The following PHLPP2 variants were observed in gnomAD, a reference collection of about 807,000 sequenced individuals.
PHLPP2 encodes PH domain leucine-rich repeat-containing protein phosphatase 2.
A neutral mutation model predicts 124.9 loss-of-function variants in PHLPP2; 66 were observed. The observed-to-expected ratio is 0.53, with a 90% CI of 0.43 to 0.65. PHLPP2 has a LOEUF of 0.65. Among genes scored for constraint, PHLPP2 ranks in the 30% least tolerant of loss-of-function variants. PHLPP2 has a pLI of 0.00. For missense variants in PHLPP2, 1,685 were observed against 1,600.4 expected (o/e 1.05, Z -0.90); for synonymous variants, 681 against 624.7 (o/e 1.09, Z -1.34).
chr16:71,712,138 A>G (rs1191948926), intron 2 of PHLPP2, among the ~76,000 whole-genome samples: 2 of 152,268 alleles, frequency 1.3e-5, no homozygotes, highest in African/African-American at 4.8e-5. Context: ...GAAAATGTGC[A>G]TAAAGCACTA....
At chr16:71,692,015 G>C (rs556518612) in intron 3 of PHLPP2, among the ~76,000 whole-genome samples, 174 of 151,574 alleles carry the variant, frequency 1.1e-3, no homozygotes, top group African/African-American at 4.0e-3. Flanking sequence ...AGTATGAGGT[G>C]GTCCAAACAG....
chr16:71,690,621 C>A lies in PHLPP2; in HGVS notation c.507G>T (p.Trp169Cys), dbSNP rs2145353625. The A allele has an allele frequency of 6.2e-7, 1 of 1,612,744 alleles. No homozygotes were observed. The highest frequency in any genetic ancestry group is 8.5e-7 in the Non-Finnish European group (1 of 1,178,732). Residue 169 changes from tryptophan to cysteine, a missense_variant, in exon 4 of 19, where the codon TGG becomes TGT. By Grantham distance (215) the Trp-to-Cys change is radical. Coordinates refer to ENST00000568954, the MANE Select transcript of PHLPP2 (RefSeq NM_015020.3). ...VRKGKTQLHK[W>C]AERLVVLCGT... ...CACAGAGGACAACTAGGCGCTCAGC[C>A]CACTTATGCAGCTGGGTCTTTCCCT...
chr16:71,714,929 G>T, intron 1 of PHLPP2, 128 bp from the exon 2 acceptor site: 1 of 1,170,318 alleles, frequency 8.5e-7, no homozygotes, highest in Non-Finnish European at 1.2e-6. Flanking sequence ...CTCCTTTTGT[G>T]GAGCACTTCA....
At chr16:71,650,495 G>A (rs1392527748) in intron 18 of PHLPP2, among the ~76,000 whole-genome samples, 1 of 152,236 alleles carries the variant, frequency 6.6e-6, no homozygotes, top group African/African-American at 2.4e-5. Flanking sequence ...AATCTTGGCA[G>A]TTAAGGCATC....
Position 71,676,529 on chromosome 16 carries a change from T to G in PHLPP2, c.1389A>C (p.Glu463Asp). 1 of 1,613,828 alleles carries G rather than the reference T, an allele frequency of 6.2e-7. No individual in the cohort carries two copies. The highest frequency in any genetic ancestry group is 8.5e-7 in the Non-Finnish European group (1 of 1,179,666). Residue 463 changes from glutamate to aspartate, a missense_variant, in exon 9 of 19, where the codon GAA becomes GAC. By Grantham distance (45) the Glu-to-Asp change is conservative. Coordinates refer to ENST00000568954, the MANE Select transcript of PHLPP2 (RefSeq NM_015020.3). The stretch of plus-strand genomic sequence containing the variant: ...GCTGATTCCGCCCACAGTGCAGCTG[T>G]TCCAAGCTGCATAAGGAGCTAAGAT... ...DLDLSSLCSL[E>D]QLHCGRNQLR...
In PHLPP2 at chr16:71,679,372, T is replaced by C. The variant is rs772806958; in HGVS notation, c.1037+17A>G. The stretch of plus-strand genomic sequence containing the variant: ...TATTCTGCAAGGGAAAAGAGGAATC[T>C]AGTAAAAGTTACTTACTTTAGCAGA... On this transcript the variant is annotated intron_variant, in intron 7 of 18. Coordinates refer to ENST00000568954, the MANE Select transcript of PHLPP2 (RefSeq NM_015020.3). 16 of 1,609,828 alleles carry C rather than the reference T, an allele frequency of 9.9e-6. No homozygotes were observed. The highest frequency in any genetic ancestry group is 1.1e-5 in the Non-Finnish European group (13 of 1,176,218).
chr16:71,702,801 A>ATTTTTT, intron 2 of PHLPP2, 70 bp from the exon 3 acceptor site: 1 of 1,023,790 alleles, frequency 9.8e-7, no homozygotes, highest in Non-Finnish European at 1.4e-6. Context: ...ATTTTTTAGT[A>ATTTTTT]TTTTTATTTG....
chr16:71,650,722 C>G (rs1318615610), intron 18 of PHLPP2, among the ~76,000 whole-genome samples: 4 of 152,160 alleles, frequency 2.6e-5, no homozygotes, highest in Admixed American at 2.6e-4. Flanking sequence ...GAAAAAAATA[C>G]AAAACAAAAC....
chr16:71,723,648 C>G, intron 1 of PHLPP2: 1 of 409,386 alleles, frequency 2.4e-6, no homozygotes, highest in Non-Finnish European at 3.9e-6. Context: ...CGGGGGCCGC[C>G]GACTGCCTCA....
At chr16:71,712,039 AGGTT>A (rs1400620621) in intron 2 of PHLPP2, among the ~76,000 whole-genome samples, 1 of 152,258 alleles carries the variant, frequency 6.6e-6, no homozygotes, top group East Asian at 1.9e-4. Context: ...GTCCTTGAGC[AGGTT>A]ACTGAATCTC....
intron 5 of PHLPP2, among the ~76,000 whole-genome samples, chr16:71,683,927 G>T (rs2045027533): frequency 6.8e-6 from 1 of 147,862 alleles, no homozygotes; most frequent in African/African-American, 2.5e-5. Flanking sequence ...CAAGTAGCTG[G>T]GATTACAGGC....
intron 2 of PHLPP2, among the ~76,000 whole-genome samples, chr16:71,713,845 G>A (rs992294805): frequency 9.2e-5 from 14 of 151,466 alleles, no homozygotes; most frequent in African/African-American, 3.4e-4. Context: ...AACAGGCCTG[G>A]GTAGTTGGGG....
Position 71,679,532 on chromosome 16 carries a change from A to G in PHLPP2, c.894T>C (p.Phe298=). The G allele has an allele frequency of 6.2e-7, 1 of 1,613,924 alleles. No individual in the cohort carries two copies. The highest frequency in any genetic ancestry group is 8.5e-7 in the Non-Finnish European group (1 of 1,179,898). ...RPGGLDTLYK[F]SQLKGLNLSH... ...ACAAGTTCAGGCCCTTCAGTTGAGA[A>G]AATCTAAAGAGCAAAGGCAAAAATG... The change falls in exon 7 of 19, where the codon TTT becomes TTC. Residue 298 remains phenylalanine, a synonymous_variant. Coordinates refer to ENST00000568954, the MANE Select transcript of PHLPP2 (RefSeq NM_015020.3).
Position 71,690,698 on chromosome 16 carries a change from G to C in PHLPP2, c.430C>G (p.His144Asp). Residue 144 changes from histidine to aspartate, a missense_variant, in exon 4 of 19, where the codon CAC (histidine) becomes GAC (aspartate). Transcript: ENST00000568954. ...MIRFYGEKPC[H>D]MDRLDRILLS... is the part of the protein sequence containing the mutation. Reference sequence around the variant, plus strand: ...AGGATTCGATCCAAACGATCCATGTGGCATGGTTTTTCTGAAAAGGAAATA... The same window carrying C: ...AGGATTCGATCCAAACGATCCATGTCGCATGGTTTTTCTGAAAAGGAAATA... 1 of 1,608,512 alleles carries C rather than the reference G, an allele frequency of 6.2e-7. No individual in the cohort carries two copies. The highest frequency in any genetic ancestry group is 8.5e-7 in the Non-Finnish European group (1 of 1,177,178).
intron 9 of PHLPP2, among the ~76,000 whole-genome samples, chr16:71,675,474 C>G (rs369864106): frequency 2.0e-5 from 3 of 152,136 alleles, no homozygotes; most frequent in Admixed American, 6.5e-5. Flanking sequence ...AGCACTGAGG[C>G]TACACAAGCT....
intron 1 of PHLPP2, among the ~76,000 whole-genome samples, chr16:71,719,646 G>A (rs536962385): frequency 2.0e-5 from 3 of 150,126 alleles, no homozygotes; most frequent in African/African-American, 4.9e-5. Flanking sequence ...GACACACACC[G>A]ACATTAGTTG....
intron 4 of PHLPP2, among the ~76,000 whole-genome samples, chr16:71,684,882 A>G (rs1220625293): frequency 1.3e-5 from 2 of 152,068 alleles, no homozygotes; most frequent in African/African-American, 2.4e-5. Context: ...GCAGGATACC[A>G]GTCCACTATG....
At chr16:71,656,449 G>GTTCTATGA (rs2044742499) in intron 16 of PHLPP2, 122 bp downstream of exon 16, 1 of 620,240 alleles carries the variant, frequency 1.6e-6, no homozygotes, top group Admixed American at 2.7e-5. Flanking sequence ...TGACGCTGAT[G>GTTCTATGA]TTCTATGATT....
Position 71,664,001 on chromosome 16 carries a change from G to C in PHLPP2, c.1883C>G (p.Thr628Ser). The C allele has an allele frequency of 1.2e-6, 2 of 1,613,784 alleles. No individual in the cohort carries two copies. The highest frequency in any genetic ancestry group is 1.7e-6 in the Non-Finnish European group (2 of 1,179,672). The change falls in exon 13 of 19, where the codon ACC becomes AGC. Residue 628 changes from threonine to serine, a missense_variant. Thr to Ser is a moderately conservative substitution (Grantham distance 58). Coordinates refer to ENST00000568954, the MANE Select transcript of PHLPP2 (RefSeq NM_015020.3). ...GCACTGATCCGTCAGGAGATTGTTGGTCAGATAAAGCAGCTGCAGCATACT... is the reference window on the plus strand; with the variant it reads ...GCACTGATCCGTCAGGAGATTGTTGCTCAGATAAAGCAGCTGCAGCATACT... ...SLSMLQLLYLTNNLLTDQCIP... is the reference protein window; with the variant it reads ...SLSMLQLLYLSNNLLTDQCIP...
Sources: gnomAD v4.1 joint callset for allele counts (sites outside exome capture counted in the v4.1 genomes callset) on GRCh38, gnomAD v4.1.1 for gene constraint, MANE v1.5 for transcripts, NCBI Gene and HGNC (gene_info 2026-07-23, HGNC 2026-07-21) for gene names.